The following CDK1 variants were observed in gnomAD, a reference collection of about 807,000 sequenced individuals.
CDK1 encodes the protein cyclin-dependent kinase 1.
Under a neutral mutation model 34.6 loss-of-function variants are expected in CDK1, and 5 were observed. The ratio of observed to expected loss-of-function variants is 0.14; its 90% CI spans 0.08 to 0.30. The LOEUF is 0.30. Ranked by LOEUF, CDK1 falls within the 10% of genes least tolerant of loss-of-function variation. CDK1 has a pLI of 1.00. For missense variants in CDK1, 157 were observed against 345.7 expected (o/e 0.45, Z 4.33); for synonymous variants, 108 against 114.7 (o/e 0.94, Z 0.37).
rs1408732102 is a variant in CDK1, at chr10:60,794,801, G to A, written c.*826G>A. ...AGCAGCCATCTAAAAAGGCTCTAAT[G>A]TATATTTAACTAAAATTACTAGCTT... On this transcript the variant is annotated 3_prime_UTR_variant, in exon 8 of 8. Coordinates refer to ENST00000395284, the MANE Select transcript of CDK1 (RefSeq NM_001786.5). 6.6e-6 allele frequency: 1 copy of A among 152,106 alleles called. No individual in the cohort carries two copies. Among genetic ancestry groups the A allele is most frequent in the Non-Finnish European group, 1.5e-5 (1 of 67,996 alleles). The allele number at this position is 152,106 out of a possible 1,614,324, so 9.4% of individuals were successfully genotyped here. A position where few individuals can be genotyped will look rare whatever the true frequency, so the allele number is the denominator to read the frequency against.
At chr10:60,792,722 G>A (rs2080369571) in intron 7 of CDK1, among the ~76,000 whole-genome samples, 1 of 151,996 alleles carries the variant, frequency 6.6e-6, no homozygotes, top group African/African-American at 2.4e-5. Context: ...TCCATCAGAA[G>A]GATCTATTGC....
At chr10:60,780,277 A>G in intron 2 of CDK1, 75 bp downstream of exon 2, 2 of 792,554 alleles carry the variant, frequency 2.5e-6, no homozygotes, top group Non-Finnish European at 4.4e-6. Flanking sequence ...GAACACATTT[A>G]AATATTTATT....
At position 60,791,932 on chromosome 10, in the gene CDK1, T is replaced by A; in HGVS notation, c.532T>A (p.Ser178Thr). 6.2e-7 allele frequency: 1 copy of A among 1,613,084 alleles called. No individual in the cohort carries two copies. The highest frequency in any genetic ancestry group is 8.5e-7 in the Non-Finnish European group (1 of 1,179,346). ...WYRSPEVLLG[S>T]ARYSTPVDIW... ...CAGATCTCCAGAAGTATTGCTGGGGTCAGCTCGTTACTCAACTCCAGTTGA... is the reference window on the plus strand; with the variant it reads ...CAGATCTCCAGAAGTATTGCTGGGGACAGCTCGTTACTCAACTCCAGTTGA... The change falls in exon 6 of 8, where the codon TCA becomes ACA. Residue 178 changes from serine (S) to threonine (T), a missense_variant. Ser to Thr is a moderately conservative substitution (Grantham distance 58). Coordinates refer to ENST00000395284, the MANE Select transcript of CDK1 (RefSeq NM_001786.5).
intron 5 of CDK1, among the ~76,000 whole-genome samples, chr10:60,791,101 G>C (rs2080356638): frequency 6.6e-6 from 1 of 152,072 alleles, no homozygotes; most frequent in African/African-American, 2.4e-5. Flanking sequence ...CACTGAATTT[G>C]TAGATTGCAT....
Position 60,792,377 on chromosome 10 carries a change from C to T in CDK1, c.795+88C>T, listed in dbSNP as rs956502112. 2.4e-6 allele frequency: 3 copies of T among 1,230,540 alleles called. No individual in the cohort carries two copies. The Admixed American group carries it at 7.0e-5, about 29-fold the overall frequency. 76.2% of individuals were successfully genotyped at this position (1,230,540 alleles called of 1,614,324 possible). A position where few individuals can be genotyped will look rare whatever the true frequency, so the allele number is the denominator to read the frequency against. On this transcript the variant is annotated intron_variant, in intron 7 of 7. Coordinates refer to ENST00000395284, the MANE Select transcript of CDK1 (RefSeq NM_001786.5). Reference sequence around the variant, plus strand: ...TGTTTTGCCTAGAAAATAGGAAGAACACTAACATTTTTGAGCTAGGTGTCT... The same window carrying T: ...TGTTTTGCCTAGAAAATAGGAAGAATACTAACATTTTTGAGCTAGGTGTCT...
In CDK1 at chr10:60,791,203, G is replaced by A. The variant is rs1213324982; in HGVS notation, c.490-687G>A. Among the ~76,000 whole-genome samples, 8 of 151,928 alleles carry A rather than the reference G, an allele frequency of 5.3e-5. No homozygotes were observed. In the East Asian group the frequency reaches 1.2e-3, roughly 22 times the overall value. On this transcript the variant is annotated intron_variant, in intron 5 of 7. Coordinates refer to ENST00000395284, the MANE Select transcript of CDK1 (RefSeq NM_001786.5). ...ATCTTCCTAAATTTTTTTCTTCAAT[G>A]TTTTATAGTTTTTAGTGTAGAGATT...
At chr10:60,788,026 G>C in intron 4 of CDK1, 34 bp from the exon 5 acceptor site, 1 of 1,117,154 alleles carries the variant, frequency 9.0e-7, no homozygotes, top group Non-Finnish European at 1.2e-6. Flanking sequence ...CATGTACTTC[G>C]CTTAAGTTTC....
chr10:60,784,712 T>A lies in CDK1; in HGVS notation c.45T>A (p.Tyr15Ter), dbSNP rs1403343549. The A allele has an allele frequency of 6.2e-7, 1 of 1,610,696 alleles. No homozygotes were observed. Among genetic ancestry groups the A allele is most frequent in the Non-Finnish European group, 8.5e-7 (1 of 1,177,476 alleles). Residue 15 changes from tyrosine (Y) to a stop codon, truncating the protein, a stop_gained, in exon 3 of 8, where the codon TAT (tyrosine) becomes TAA (stop). Transcript: ENST00000395284. LOFTEE classifies it high-confidence loss of function. The stretch of plus-strand genomic sequence containing the variant: ...TTATTTACTTTGTTTCAGGTACCTA[T>A]GGAGTTGTGTATAAGGGTAGACACA... Reference protein sequence around the residue: ...TKIEKIGEGTYGVVYKGRHKT... With the variant: ...TKIEKIGEGT
At chr10:60,784,316 T>C (rs554475556) in intron 2 of CDK1, among the ~76,000 whole-genome samples, 5 of 152,322 alleles carry the variant, frequency 3.3e-5, no homozygotes, top group East Asian at 1.9e-4. Context: ...GTGACCCTTA[T>C]GGGATTCAAT....
At chr10:60,778,740 T>G (rs1411060206) in intron 1 of CDK1, 170 bp downstream of exon 1, 1 of 151,604 alleles carries the variant, frequency 6.6e-6, no homozygotes, top group Non-Finnish European at 1.5e-5. Context: ...GGTCTGGCCG[T>G]GTGAGCCACA....
chr10:60,780,098 G>A (rs2080258968), intron 1 of CDK1, 43 bp from the exon 2 acceptor site: 1 of 901,622 alleles, frequency 1.1e-6, no homozygotes, highest in African/African-American at 1.6e-5. Flanking sequence ...AAAACTACTC[G>A]AGTTAGTGGC....
intron 2 of CDK1, 130 bp from the exon 3 acceptor site, chr10:60,784,575 A>T: frequency 1.5e-6 from 1 of 680,134 alleles, no homozygotes; most frequent in South Asian, 2.0e-5. Context: ...GGTTGTAGTG[A>T]GCCTTGATTG....
chr10:60,786,355 A>G lies in CDK1; in HGVS notation c.318+568A>G, dbSNP rs3213051. 633,413 of 847,174 alleles carry G rather than the reference A, an allele frequency of 0.75. 237,263 individuals are homozygous for G. Among genetic ancestry groups the G allele is most frequent in the East Asian group, 0.84 (6,915 of 8,220 alleles). The allele number at this position is 847,174 out of a possible 1,614,324, so 52.5% of individuals were successfully genotyped here. A position where few individuals can be genotyped will look rare whatever the true frequency, so the allele number is the denominator to read the frequency against. On this transcript the variant is annotated intron_variant, in intron 4 of 7. Transcript: ENST00000395284. ...AGATTTTTTTTTTTACACAAGGTGG[A>G]CTTATTTGCATATGTATATATACAT...
At chr10:60,788,670 T>G (rs2080335132) in intron 5 of CDK1, among the ~76,000 whole-genome samples, 1 of 152,098 alleles carries the variant, frequency 6.6e-6, no homozygotes, top group Non-Finnish European at 1.5e-5. Flanking sequence ...GTTTTGTTCC[T>G]TAAGGTATAT....
intron 7 of CDK1, 43 bp downstream of exon 7, chr10:60,792,332 T>G: frequency 6.5e-7 from 1 of 1,527,644 alleles, no homozygotes; most frequent in Non-Finnish European, 8.9e-7. Context: ...TATTGATGAT[T>G]CTGAATATAT....
intron 7 of CDK1, among the ~76,000 whole-genome samples, chr10:60,793,534 G>GA (rs2080375850): frequency 6.6e-6 from 1 of 151,958 alleles, no homozygotes; most frequent in Admixed American, 6.6e-5. Context: ...TAACTCAGGT[G>GA]GCCGTTTAAT....
At chr10:60,779,023 C>CG (rs900018288) in intron 1 of CDK1, among the ~76,000 whole-genome samples, 4 of 152,198 alleles carry the variant, frequency 2.6e-5, no homozygotes, top group Non-Finnish European at 5.9e-5. Flanking sequence ...GGTACAGGCG[C>CG]GGGTCCCTAG....
At chr10:60,785,467 G>A (rs2080307627) in intron 3 of CDK1, among the ~76,000 whole-genome samples, 197 bp from the exon 4 acceptor site, 1 of 152,120 alleles carries the variant, frequency 6.6e-6, no homozygotes, top group South Asian at 2.1e-4. Context: ...AGCACCTCCT[G>A]TACAAGGCTT....
intron 1 of CDK1, among the ~76,000 whole-genome samples, chr10:60,779,286 A>T (rs1161950837): frequency 6.6e-6 from 1 of 152,172 alleles, no homozygotes; most frequent in Non-Finnish European, 1.5e-5. Flanking sequence ...AAATGATTTT[A>T]TCATCAGTGA....
Sources: allele counts gnomAD v4.1 joint callset (sites outside exome capture counted in the v4.1 genomes callset), GRCh38; gene constraint gnomAD v4.1.1; transcripts MANE v1.5; gene names NCBI Gene and HGNC (gene_info 2026-07-23, HGNC 2026-07-21).